The following PURG variants were observed in gnomAD, a reference collection of about 807,000 sequenced individuals.
PURG encodes the protein purine rich element binding protein G, also known as purine-rich element-binding protein gamma.
Under a neutral mutation model 24.3 loss-of-function variants are expected in PURG, and 3 were observed. That is an observed-to-expected ratio of 0.12 (90% CI 0.06 to 0.32). PURG has a LOEUF of 0.32. Ranked by LOEUF, PURG falls within the 10% of genes least tolerant of loss-of-function variation. The pLI is 1.00. For synonymous variants in PURG, 180 were observed against 173.1 expected (o/e 1.04, Z -0.31); for missense variants, 371 against 439.1 (o/e 0.84, Z 1.39).
chr8:31,000,236 TG>T (rs1461883759), intron 1 of PURG, among the ~76,000 whole-genome samples: 1 of 152,020 alleles, frequency 6.6e-6, no homozygotes, highest in East Asian at 1.9e-4. Context: ...GATAATATAA[TG>T]ACAAAAGGAC....
At chr8:31,025,753 A>G (rs1337393137) in intron 1 of PURG, among the ~76,000 whole-genome samples, 1 of 151,966 alleles carries the variant, frequency 6.6e-6, no homozygotes, top group Admixed American at 6.6e-5. Flanking sequence ...GTGCTCACAA[A>G]ACTATTAAGG....
downstream of PURG, among the ~76,000 whole-genome samples, chr8:31,028,646 G>A (rs1811133044): frequency 6.6e-6 from 1 of 151,718 alleles, no homozygotes; most frequent in Admixed American, 6.6e-5. Context: ...ATGGCAGTCT[G>A]GGGCTTTAAC....
At chr8:31,012,854 G>A (rs990880797) in intron 1 of PURG, among the ~76,000 whole-genome samples, 1 of 152,204 alleles carries the variant, frequency 6.6e-6, no homozygotes, top group Non-Finnish European at 1.5e-5. Context: ...ATTTCTGAAT[G>A]ATTGAAATAG....
chr8:31,018,771 G>A (rs1342725513), intron 1 of PURG, among the ~76,000 whole-genome samples: 1 of 152,010 alleles, frequency 6.6e-6, no homozygotes, highest in Non-Finnish European at 1.5e-5. Flanking sequence ...AAATGTCTAT[G>A]TATGAATTAA....
At chr8:31,029,940 G>C (rs1811163022), downstream of PURG, among the ~76,000 whole-genome samples, 1 of 151,894 alleles carries the variant, frequency 6.6e-6, no homozygotes, top group South Asian at 2.1e-4. Flanking sequence ...TTGTTCCATA[G>C]TGATCCAGAT....
intron 1 of PURG, among the ~76,000 whole-genome samples, chr8:31,022,146 T>G (rs551292311): frequency 1.3e-5 from 2 of 152,244 alleles, no homozygotes; most frequent in African/African-American, 4.8e-5. Context: ...AATTTTGGTA[T>G]TTTTAGTAGA....
downstream of PURG, among the ~76,000 whole-genome samples, chr8:31,027,401 A>G (rs548467830): frequency 4.6e-5 from 7 of 151,908 alleles, no homozygotes; most frequent in South Asian, 1.4e-3. Flanking sequence ...GCTCACACTT[A>G]TGAAAAAATT....
chr8:31,032,447 T>G lies in PURG; in HGVS notation c.336A>C (p.Ala112=). 6.2e-7 allele frequency: 1 copy of G among 1,614,206 alleles called. No homozygotes were observed. Residue 112 remains alanine (A), a synonymous_variant, in exon 2 of 2, where the codon GCA becomes GCC. Coordinates refer to ENST00000523392, the MANE Select transcript of PURG (RefSeq NM_001323311.2). This position sits in a 1 kb window ranked among gnomAD's most constrained non-coding sequence, Gnocchi z 5.9. ...KSKLTLSLSV[A]AELKDCLGDF... ...CCCCTAGACAGTCCTTCAGCTCCGCTGCCACAGACAGGGAGAGGGTCAGTT... is the reference window on the plus strand; with the variant it reads ...CCCCTAGACAGTCCTTCAGCTCCGCGGCCACAGACAGGGAGAGGGTCAGTT...
intron 1 of PURG, among the ~76,000 whole-genome samples, chr8:31,005,116 G>A (rs1365315436): frequency 6.6e-6 from 1 of 152,122 alleles, no homozygotes; most frequent in Non-Finnish European, 1.5e-5. Context: ...TTATTATGTT[G>A]AGTGAAATAA....
At position 31,032,897 on chromosome 8, in the gene PURG, G is replaced by A. The variant is rs1192843344; in HGVS notation, c.-6-109C>T. On this transcript the variant is annotated intron_variant, in intron 1 of 1. Coordinates refer to ENST00000523392, the MANE Select transcript of PURG (RefSeq NM_001323311.2). The surrounding 1 kb of genome is among the most constrained non-coding windows in gnomAD (Gnocchi z 5.9). ...CGCCGCCGCCCGCGACCCCCACGCC[G>A]GGCCCGGCTCCCCCGGCGCCGCAGC... The A allele has an allele frequency of 1.2e-6, 1 of 865,868 alleles. No homozygotes were observed. 53.6% of individuals were successfully genotyped at this position (865,868 alleles called of 1,614,324 possible).
At chr8:31,009,488 A>C (rs942861751) in intron 1 of PURG, among the ~76,000 whole-genome samples, 2 of 152,150 alleles carry the variant, frequency 1.3e-5, no homozygotes, top group Non-Finnish European at 2.9e-5. Flanking sequence ...TGCATGTAAG[A>C]ATTCAGAATT....
chr8:31,024,100 G>C (rs1432971135), intron 1 of PURG, among the ~76,000 whole-genome samples: 1 of 152,112 alleles, frequency 6.6e-6, no homozygotes, highest in Non-Finnish European at 1.5e-5. Flanking sequence ...TACGTAGTTA[G>C]TATACAACAA....
intron 1 of PURG, among the ~76,000 whole-genome samples, chr8:31,018,595 A>T (rs1810918488): frequency 6.6e-6 from 1 of 152,206 alleles, no homozygotes; most frequent in African/African-American, 2.4e-5. Flanking sequence ...AGAATTTTTA[A>T]AAAAGTTACA....
At chr8:31,013,420 T>C (rs1301932646) in intron 1 of PURG, among the ~76,000 whole-genome samples, 1 of 152,220 alleles carries the variant, frequency 6.6e-6, no homozygotes, top group African/African-American at 2.4e-5. Flanking sequence ...TGGGGAATTT[T>C]CAGGCTGGAA....
chr8:31,021,815 G>A (rs1401613385), intron 1 of PURG, among the ~76,000 whole-genome samples: 1 of 152,134 alleles, frequency 6.6e-6, no homozygotes, highest in African/African-American at 2.4e-5. Context: ...AGGAATAGTA[G>A]CTATAAGGGG....
At chr8:31,003,018 G>A (rs942690741) in intron 1 of PURG, among the ~76,000 whole-genome samples, 1 of 152,184 alleles carries the variant, frequency 6.6e-6, no homozygotes, top group Non-Finnish European at 1.5e-5. Flanking sequence ...GGCTTAGTAT[G>A]ACAGCACTGT....
Position 31,032,726 on chromosome 8 carries a change from A to G in PURG, c.57T>C (p.Asn19=). The change falls in exon 2 of 2, where the codon AAT becomes AAC. Residue 19 remains asparagine, a synonymous_variant. Coordinates refer to ENST00000523392, the MANE Select transcript of PURG (RefSeq NM_001323311.2). The surrounding 1 kb of genome is among the most constrained non-coding windows in gnomAD (Gnocchi z 5.9). The part of the protein sequence containing the change: ...GGGGRGRGGK[N]VGGSGLSKSR... ...TCTTGCTTAGGCCAGAGCCCCCTAC[A>G]TTCTTGCCTCCGCGGCCGCGGCCGC... 7.2e-7 allele frequency: 1 copy of G among 1,393,854 alleles called. No individual in the cohort carries two copies. Among genetic ancestry groups the G allele is most frequent in the South Asian group, 1.5e-5 (1 of 66,478 alleles). The allele number at this position is 1,393,854 out of a possible 1,614,324, so 86.3% of individuals were successfully genotyped here.
At chr8:31,009,149 G>C (rs544843911) in intron 1 of PURG, among the ~76,000 whole-genome samples, 33 of 152,296 alleles carry the variant, frequency 2.2e-4, no homozygotes, top group African/African-American at 7.9e-4. Context: ...ATTCGGACAG[G>C]TGCAGTGGCT....
intron 1 of PURG, among the ~76,000 whole-genome samples, chr8:31,012,801 G>A (rs2543621): frequency 0.98 from 148,781 of 152,362 alleles, 72,656 homozygotes; most frequent in East Asian, 1. Context: ...ACTACTGCAC[G>A]CTATGAAGTC....
Sources: allele counts gnomAD v4.1 joint callset (sites outside exome capture counted in the v4.1 genomes callset), GRCh38; gene constraint gnomAD v4.1.1; non-coding constraint Gnocchi (gnomAD v3.1); transcripts MANE v1.5; gene names NCBI Gene and HGNC (gene_info 2026-07-23, HGNC 2026-07-21).